The following SCAPER variants were observed in gnomAD, a reference collection of about 807,000 sequenced individuals.
SCAPER encodes the protein S phase cyclin A-associated protein in the endoplasmic reticulum.
A neutral mutation model predicts 182.2 loss-of-function variants in SCAPER; 98 were observed. The ratio of observed to expected loss-of-function variants is 0.54; its 90% CI spans 0.46 to 0.64. SCAPER has a LOEUF of 0.64. SCAPER is among the 30% of genes least tolerant of loss of function. The pLI is 0.00. For synonymous variants in SCAPER, 605 were observed against 564.6 expected (o/e 1.07, Z -1.01); for missense variants, 1,432 against 1,690.0 (o/e 0.85, Z 2.68).
rs1441135663 is a variant in SCAPER, at chr15:76,847,473, G to A, written c.196-5542C>T. ...TGTATAGTTTCAAATAACTAAGAGT[G>A]TAACTAGATTATAATACAAAGGATA... is the stretch of plus-strand genomic sequence containing the variant. On this transcript the variant is annotated intron_variant, in intron 4 of 31. Transcript: ENST00000563290. Among the ~76,000 whole-genome samples the A allele has an allele frequency of 2.0e-5, 3 of 152,094 alleles. No homozygotes were observed. In the East Asian group the frequency reaches 5.8e-4, roughly 29 times the overall value.
chr15:76,898,313 G>A (rs1023208342), intron 1 of SCAPER, among the ~76,000 whole-genome samples: 1 of 152,246 alleles, frequency 6.6e-6, no homozygotes, highest in South Asian at 2.1e-4. Flanking sequence ...ATGTAAACCG[G>A]TACAGCTGGT....
chr15:76,692,696 G>GAAAAAAAAA (rs71143354), intron 20 of SCAPER, among the ~76,000 whole-genome samples: 24 of 98,810 alleles, frequency 2.4e-4, no homozygotes, highest in East Asian at 5.5e-4. Context: ...TTCAAAAAAA[G>GAAAAAAAAA]AAAAAAAAAA....
At position 76,689,127 on chromosome 15, in the gene SCAPER, C is replaced by T. The variant is rs1275673207; in HGVS notation, c.2508+12631G>A. Among the ~76,000 whole-genome samples the T allele has an allele frequency of 2.6e-5, 4 of 152,028 alleles. 1 individual carries two copies. Among genetic ancestry groups the T allele is most frequent in the Non-Finnish European group, 5.9e-5 (4 of 68,008 alleles). On this transcript the variant is annotated intron_variant, in intron 20 of 31. Coordinates refer to ENST00000563290, the MANE Select transcript of SCAPER (RefSeq NM_020843.4). ...CCTTTCAAAGTGCTGGGATTACAGG[C>T]ATGAGCCACCGCACCCAGCCCAAAT...
intron 22 of SCAPER, among the ~76,000 whole-genome samples, chr15:76,575,733 T>C (rs1174762096): frequency 6.6e-6 from 1 of 152,210 alleles, no homozygotes; most frequent in African/African-American, 2.4e-5. Context: ...CATTACTTTC[T>C]CTGATTTGAC....
In SCAPER at chr15:76,800,337, C is replaced by T; in HGVS notation, c.522G>A (p.Lys174=). 2 of 1,612,248 alleles carry T rather than the reference C, an allele frequency of 1.2e-6. No individual in the cohort carries two copies. Among genetic ancestry groups the T allele is most frequent in the Non-Finnish European group, 1.7e-6 (2 of 1,178,720 alleles). ...TCACATGGCGTCCCGGAGACATCTT[C>T]TTTACTTCCCATGCCAATGATGTTG... ...SRPTSLAWEV[K]KMSPGRHVIP... Residue 174 remains lysine (K), a synonymous_variant, in exon 7 of 32, where the codon AAG becomes AAA. Transcript: ENST00000563290.
At position 76,804,508 on chromosome 15, in the gene SCAPER, A is replaced by C. The variant is rs78555450; in HGVS notation, c.494+25T>G. 2,266 of 1,473,582 alleles carry C rather than the reference A, an allele frequency of 1.5e-3. 28 individuals are homozygous for C. In the African/African-American group the frequency reaches 0.028, roughly 18 times the overall value. 91.3% of individuals were successfully genotyped at this position (1,473,582 alleles called of 1,614,324 possible). ...CTATTGAAACTGCTGGATGATAGGA[A>C]GATTGAGACCAGAGAGCTCATTACC... On this transcript the variant is annotated intron_variant, in intron 6 of 31. Coordinates refer to ENST00000563290, the MANE Select transcript of SCAPER (RefSeq NM_020843.4).
At chr15:76,417,779 G>A (rs1398958020) in intron 26 of SCAPER, among the ~76,000 whole-genome samples, 1 of 152,200 alleles carries the variant, frequency 6.6e-6, no homozygotes, top group African/African-American at 2.4e-5. Flanking sequence ...CACAACTTTG[G>A]GAGGCCGAGG....
At chr15:76,375,358 G>A (rs1458656835) in intron 29 of SCAPER, among the ~76,000 whole-genome samples, 2 of 151,280 alleles carry the variant, frequency 1.3e-5, no homozygotes, top group Non-Finnish European at 2.9e-5. Context: ...TGACCTAAGC[G>A]GGAGAGTCCT....
chr15:76,540,884 A>C (rs1321907458), intron 23 of SCAPER, among the ~76,000 whole-genome samples: 1 of 152,050 alleles, frequency 6.6e-6, no homozygotes, highest in Non-Finnish European at 1.5e-5. Flanking sequence ...GGACTTTGGG[A>C]GGCTGAGGCG....
intron 25 of SCAPER, among the ~76,000 whole-genome samples, chr15:76,440,824 C>T (rs1199165889): frequency 3.3e-5 from 5 of 149,368 alleles, no homozygotes; most frequent in Admixed American, 2.7e-4. Flanking sequence ...CAACAATTTA[C>T]ATGGCTTGAA....
At chr15:76,719,912 A>G (rs2060108057) in intron 17 of SCAPER, among the ~76,000 whole-genome samples, 1 of 152,088 alleles carries the variant, frequency 6.6e-6, no homozygotes, top group African/African-American at 2.4e-5. Context: ...GAAACAAAAT[A>G]AATGGTATTT....
chr15:76,902,271 CTCTTA>C (rs552651475), intron 1 of SCAPER, among the ~76,000 whole-genome samples: 333 of 152,296 alleles, frequency 2.2e-3, no homozygotes, highest in South Asian at 5.2e-3. Flanking sequence ...TGTGTGTTCT[CTCTTA>C]TAAGTGGGAA....
intron 22 of SCAPER, among the ~76,000 whole-genome samples, chr15:76,585,162 A>T (rs137906162): frequency 6.6e-6 from 1 of 152,292 alleles, no homozygotes; most frequent in East Asian, 1.9e-4. Flanking sequence ...TCATCTTAAA[A>T]GTCAGGATAA....
intron 15 of SCAPER, among the ~76,000 whole-genome samples, chr15:76,749,918 T>C (rs1229153522): frequency 6.6e-6 from 1 of 151,756 alleles, no homozygotes; most frequent in Non-Finnish European, 1.5e-5. Context: ...GGATCTAAAA[T>C]AGCCAAAATA....
intron 17 of SCAPER, among the ~76,000 whole-genome samples, chr15:76,720,437 T>C (rs947483475): frequency 6.6e-6 from 1 of 152,364 alleles, no homozygotes; most frequent in Admixed American, 6.5e-5. Context: ...CCTTTGGGTA[T>C]ATACCCAGTA....
At chr15:76,700,555 T>G (rs1367073582) in intron 20 of SCAPER, among the ~76,000 whole-genome samples, 1 of 152,090 alleles carries the variant, frequency 6.6e-6, no homozygotes, top group East Asian at 1.9e-4. Flanking sequence ...CTTCCCTTCC[T>G]CTACTCTCAA....
chr15:76,749,929 G>T (rs1402386410), intron 15 of SCAPER, among the ~76,000 whole-genome samples: 1 of 151,468 alleles, frequency 6.6e-6, no homozygotes, highest in Non-Finnish European at 1.5e-5. Context: ...AGCCAAAATA[G>T]CTCAGAAAAA....
At chr15:76,360,684 A>T (rs756297933) in intron 29 of SCAPER, among the ~76,000 whole-genome samples, 6 of 151,108 alleles carry the variant, frequency 4.0e-5, no homozygotes, top group Non-Finnish European at 8.8e-5. Flanking sequence ...AACACAAAAG[A>T]CTTTTTTTCA....
intron 29 of SCAPER, among the ~76,000 whole-genome samples, chr15:76,360,682 A>T (rs1286591828): frequency 4.0e-5 from 6 of 151,494 alleles, no homozygotes; most frequent in Non-Finnish European, 7.4e-5. Flanking sequence ...CTAACACAAA[A>T]GACTTTTTTT....
Sources: gnomAD v4.1 joint callset for allele counts (sites outside exome capture counted in the v4.1 genomes callset) on GRCh38, gnomAD v4.1.1 for gene constraint, MANE v1.5 for transcripts, NCBI Gene and HGNC (gene_info 2026-07-23, HGNC 2026-07-21) for gene names.